The following SPATS2 variants were observed in gnomAD, a reference collection of about 807,000 sequenced individuals.
The protein encoded by SPATS2 is spermatogenesis associated serine rich 2.
SPATS2 carries 38 observed loss-of-function variants against 63.7 expected under a neutral mutation model. The observed-to-expected ratio is 0.60, with a 90% confidence interval of 0.46 to 0.78. The LOEUF is 0.78. SPATS2 is among the 30% of genes least tolerant of loss of function. The pLI is 0.00. For synonymous variants in SPATS2, 207 were observed against 232.9 expected (o/e 0.89, Z 1.01); for missense variants, 588 against 666.2 (o/e 0.88, Z 1.29).
intron 2 of SPATS2, among the ~76,000 whole-genome samples, chr12:49,416,685 A>AG (rs1944895510): frequency 6.6e-6 from 1 of 151,850 alleles, no homozygotes; most frequent in African/African-American, 2.4e-5. Flanking sequence ...GGGTTTCACC[A>AG]TGTTGGCCAG....
intron 2 of SPATS2, among the ~76,000 whole-genome samples, chr12:49,421,431 A>C (rs1363313268): frequency 9.3e-5 from 14 of 150,898 alleles, no homozygotes; most frequent in African/African-American, 2.4e-4. Context: ...AAAAAAAAAA[A>C]AAAAAAAAAA....
chr12:49,517,754 T>C (rs530542160), intron 10 of SPATS2, among the ~76,000 whole-genome samples: 1 of 152,330 alleles, frequency 6.6e-6, no homozygotes, highest in Admixed American at 6.5e-5. Flanking sequence ...CCCTTTGAGT[T>C]CTGCTTATAT....
chr12:49,523,109 G>A (rs569737350), intron 12 of SPATS2, among the ~76,000 whole-genome samples: 27 of 152,232 alleles, frequency 1.8e-4, no homozygotes, highest in African/African-American at 6.5e-4. Flanking sequence ...GGTATAAAGA[G>A]CATGGGGCCC....
At chr12:49,470,411 C>T (rs1946015156) in intron 3 of SPATS2, among the ~76,000 whole-genome samples, 1 of 152,036 alleles carries the variant, frequency 6.6e-6, no homozygotes, top group African/African-American at 2.4e-5. Context: ...TGTTTTGAGC[C>T]TTTTGTTCAC....
chr12:49,440,785 C>T (rs1945403997), intron 2 of SPATS2, among the ~76,000 whole-genome samples: 1 of 152,132 alleles, frequency 6.6e-6, no homozygotes, highest in Non-Finnish European at 1.5e-5. Flanking sequence ...TTAATAAATA[C>T]AGGCCAGTTG....
chr12:49,501,961 A>G (rs1946574251), intron 9 of SPATS2, among the ~76,000 whole-genome samples: 1 of 152,144 alleles, frequency 6.6e-6, no homozygotes, highest in Non-Finnish European at 1.5e-5. Flanking sequence ...TGTGGGAGGT[A>G]TTTTATAAGG....
intron 12 of SPATS2, 104 bp downstream of exon 12, chr12:49,522,957 G>C: frequency 1.1e-6 from 1 of 948,746 alleles, no homozygotes; most frequent in Non-Finnish European, 1.6e-6. Flanking sequence ...CCTCTTGTTT[G>C]CTTGTTTATA....
At chr12:49,517,784 C>T (rs916973380) in intron 10 of SPATS2, among the ~76,000 whole-genome samples, 2 of 152,182 alleles carry the variant, frequency 1.3e-5, no homozygotes, top group African/African-American at 2.4e-5. Flanking sequence ...GAAACTATAT[C>T]ACATGGCCGT....
chr12:49,375,314 C>G lies in SPATS2; in HGVS notation c.-244+4024C>G, dbSNP rs1164055948. Among the ~76,000 whole-genome samples, 3 of 152,066 alleles carry G rather than the reference C, an allele frequency of 2.0e-5. No individual in the cohort carries two copies. In the East Asian group the frequency reaches 5.8e-4, roughly 29 times the overall value. On this transcript the variant is annotated intron_variant, in intron 2 of 13. Coordinates refer to ENST00000552918, the MANE Select transcript of SPATS2 (RefSeq NM_023071.4). ...GATAGATAAGTAAATATCTTTTGTA[C>G]TTGAAGATGCTGCCAATGATATTAC...
chr12:49,467,311 C>T (rs1258395986), intron 3 of SPATS2, among the ~76,000 whole-genome samples: 6 of 151,760 alleles, frequency 4.0e-5, no homozygotes, highest in African/African-American at 7.3e-5. Flanking sequence ...ATCCGCCCAC[C>T]TTGGCCTTCC....
intron 2 of SPATS2, among the ~76,000 whole-genome samples, chr12:49,379,441 C>T (rs1219541039): frequency 2.1e-5 from 3 of 145,724 alleles, no homozygotes; most frequent in Admixed American, 6.9e-5. Context: ...GTCCCAGCTA[C>T]TCAGGAGGTT....
chr12:49,458,683 G>A (rs1945764023), intron 2 of SPATS2, among the ~76,000 whole-genome samples: 1 of 151,216 alleles, frequency 6.6e-6, no homozygotes, highest in South Asian at 2.1e-4. Context: ...GGGAGCCTGA[G>A]GCGGAAGAAA....
intron 2 of SPATS2, among the ~76,000 whole-genome samples, chr12:49,396,719 G>A (rs1165149943): frequency 6.6e-6 from 1 of 152,192 alleles, no homozygotes; most frequent in African/African-American, 2.4e-5. Context: ...CCTAGCTAGA[G>A]AGCTGTTTCT....
intron 8 of SPATS2, among the ~76,000 whole-genome samples, chr12:49,498,153 T>A (rs921286059): frequency 4.2e-5 from 6 of 141,950 alleles, no homozygotes; most frequent in African/African-American, 7.9e-5. Flanking sequence ...AAAATATATA[T>A]ATATATATAT....
intron 7 of SPATS2, among the ~76,000 whole-genome samples, chr12:49,495,443 C>T (rs984109553): frequency 7.2e-5 from 11 of 152,182 alleles, no homozygotes; most frequent in African/African-American, 1.7e-4. Context: ...ATGATCCACC[C>T]GCCTCAGCCA....
chr12:49,477,447 A>C (rs1416547225), intron 3 of SPATS2, among the ~76,000 whole-genome samples: 1 of 152,324 alleles, frequency 6.6e-6, no homozygotes, highest in Non-Finnish European at 1.5e-5. Flanking sequence ...GGAATATGAA[A>C]GGCTGTTTTC....
intron 3 of SPATS2, 65 bp downstream of exon 3, chr12:49,461,102 A>G (rs1354501352): frequency 1.3e-6 from 2 of 1,541,954 alleles, no homozygotes; most frequent in Admixed American, 1.7e-5. Context: ...TTATAGCTGT[A>G]TATTTAAAAA....
rs1489785945 is a variant in SPATS2, at chr12:49,434,468, C to A, written c.-243-26302C>A. On this transcript the variant is annotated intron_variant, in intron 2 of 13. Coordinates refer to ENST00000552918, the MANE Select transcript of SPATS2 (RefSeq NM_023071.4). ...CCTCCTCCCCGCCAGCCCTTGGTAA[C>A]CTCTATTCTGCTTTTTGTCTCTCTT... Among the ~76,000 whole-genome samples, 3 of 152,184 alleles carry A rather than the reference C, an allele frequency of 2.0e-5. No individual in the cohort carries two copies. In the East Asian group the frequency reaches 5.8e-4, roughly 29 times the overall value.
intron 2 of SPATS2, among the ~76,000 whole-genome samples, chr12:49,380,983 T>C (rs1440367052): frequency 6.6e-6 from 1 of 152,146 alleles, no homozygotes; most frequent in Non-Finnish European, 1.5e-5. Flanking sequence ...ATAGCGGCTG[T>C]ACCATTTTAC....
Sources: gnomAD v4.1 joint callset for allele counts (sites outside exome capture counted in the v4.1 genomes callset) on GRCh38, gnomAD v4.1.1 for gene constraint, MANE v1.5 for transcripts, NCBI Gene and HGNC (gene_info 2026-07-23, HGNC 2026-07-21) for gene names.